Variants in CDH12 observed in about 807,000 individuals in gnomAD.
The protein encoded by CDH12 is cadherin-12.
In CDH12, 41 loss-of-function variants were observed where a neutral mutation model predicts 74.1. The observed-to-expected ratio is 0.55, with a 90% confidence interval of 0.43 to 0.72. The LOEUF is 0.72. Among genes scored for constraint, CDH12 ranks in the 30% least tolerant of loss-of-function variants. CDH12 has a pLI of 0.00. For synonymous variants in CDH12, 399 were observed against 355.0 expected, an observed-to-expected ratio of 1.12 and a Z score of -1.39; for missense variants, 945 against 977.2, an observed-to-expected ratio of 0.97 and a Z score of 0.44.
chr5:21,949,573 A>G (rs1230432112), intron 6 of CDH12, among the ~76,000 whole-genome samples: 3 of 152,242 alleles, frequency 2.0e-5, no homozygotes, highest in South Asian at 2.1e-4. Context: ...TTATTGGCCT[A>G]GAGGAGCTTC....
chr5:21,880,417 T>G (rs1375894268), intron 6 of CDH12, among the ~76,000 whole-genome samples: 1 of 152,122 alleles, frequency 6.6e-6, no homozygotes, highest in Non-Finnish European at 1.5e-5. Context: ...AGCACTGGGG[T>G]GCTCTATATA....
intron 4 of CDH12, among the ~76,000 whole-genome samples, chr5:22,204,934 C>T (rs1472989921): frequency 6.6e-6 from 1 of 152,166 alleles, no homozygotes; most frequent in Non-Finnish European, 1.5e-5. Flanking sequence ...ATTGTGACTA[C>T]TCGTTCTTTA....
At chr5:22,467,215 A>T (rs1443716155) in intron 2 of CDH12, among the ~76,000 whole-genome samples, 2 of 152,116 alleles carry the variant, frequency 1.3e-5, no homozygotes, top group Non-Finnish European at 2.9e-5. Flanking sequence ...GAACCTTGAC[A>T]GCCCGTGAGC....
intron 11 of CDH12, among the ~76,000 whole-genome samples, chr5:21,771,957 T>A (rs1745345422): frequency 6.6e-6 from 1 of 152,172 alleles, no homozygotes; most frequent in East Asian, 1.9e-4. Context: ...ATTCGTAAGA[T>A]CTTTGTTTCA....
At chr5:22,809,322 C>T (rs975913235) in intron 1 of CDH12, among the ~76,000 whole-genome samples, 1 of 151,742 alleles carries the variant, frequency 6.6e-6, no homozygotes, top group African/African-American at 2.4e-5. Flanking sequence ...TATATTTTTA[C>T]TTATGAATAT....
At chr5:22,023,363 A>T (rs891258088) in intron 5 of CDH12, among the ~76,000 whole-genome samples, 14 of 152,170 alleles carry the variant, frequency 9.2e-5, no homozygotes, top group Non-Finnish European at 1.9e-4. Flanking sequence ...TTGTCCAATG[A>T]TATGCACACA....
intron 1 of CDH12, among the ~76,000 whole-genome samples, chr5:22,549,137 GTT>G (rs1344546525): frequency 1.4e-5 from 2 of 142,278 alleles, no homozygotes; most frequent in African/African-American, 5.4e-5. Flanking sequence ...TTTTTTTTTT[GTT>G]TTTTTTGTTT....
intron 1 of CDH12, among the ~76,000 whole-genome samples, chr5:22,836,213 C>CTCTTTTTT (rs1402972549): frequency 2.6e-5 from 1 of 37,956 alleles, no homozygotes; most frequent in Admixed American, 3.4e-4. Context: ...TTCTTTTTTT[C>CTCTTTTTT]TTTCTTTCTC....
intron 5 of CDH12, among the ~76,000 whole-genome samples, chr5:21,983,686 T>C (rs1428654953): frequency 6.6e-6 from 1 of 152,144 alleles, no homozygotes; most frequent in Non-Finnish European, 1.5e-5. Context: ...AACCTAGAAT[T>C]CAATTGTTTA....
At chr5:22,436,296 GGGGGGAGGGGGGA>G (rs1744389345) in intron 2 of CDH12, among the ~76,000 whole-genome samples, 1 of 35,082 alleles carries the variant, frequency 2.9e-5, no homozygotes. Flanking sequence ...GGAGGGGGGA[GGGGGGAGGGGGGA>G]GGGATAGCAT....
intron 3 of CDH12, among the ~76,000 whole-genome samples, chr5:22,356,795 T>C (rs1740580200): frequency 6.6e-6 from 1 of 152,124 alleles, no homozygotes; most frequent in South Asian, 2.1e-4. Context: ...CAAATGATTC[T>C]CTTGGTAAGA....
intron 3 of CDH12, among the ~76,000 whole-genome samples, chr5:22,360,787 A>G (rs1434609243): frequency 1.3e-5 from 2 of 152,222 alleles, no homozygotes. Flanking sequence ...TATGCAAATC[A>G]ATAAACGTAA....
At chr5:22,328,985 A>T (rs953300529) in intron 3 of CDH12, among the ~76,000 whole-genome samples, 4 of 152,206 alleles carry the variant, frequency 2.6e-5, no homozygotes, top group African/African-American at 9.6e-5. Flanking sequence ...AACAGAACAA[A>T]CTTAGAATAA....
chr5:21,751,988 C>A lies in CDH12; in HGVS notation c.2134G>T (p.Asp712Tyr). 1 of 1,614,092 alleles carries A rather than the reference C, an allele frequency of 6.2e-7. No homozygotes were observed. The highest frequency in any genetic ancestry group is 8.5e-7 in the Non-Finnish European group (1 of 1,180,016). Residue 712 changes from aspartate to tyrosine, a missense_variant, in exon 15 of 15, where the codon GAC (aspartate) becomes TAC (tyrosine). Asp to Tyr is a radical substitution (Grantham distance 160). Coordinates refer to ENST00000382254, the MANE Select transcript of CDH12 (RefSeq NM_004061.5). The part of the protein sequence containing the change: ...RQRPPMEDNT[D>Y]IRDFIHQRLQ... ...CTTTGATGAATGAAATCCCTTATGTCTGTGTTATCTTCCATGGGTGGTCTC... is the reference window on the plus strand; with the variant it reads ...CTTTGATGAATGAAATCCCTTATGTATGTGTTATCTTCCATGGGTGGTCTC...
intron 1 of CDH12, among the ~76,000 whole-genome samples, chr5:22,561,519 C>T (rs1739043977): frequency 6.6e-6 from 1 of 151,408 alleles, no homozygotes; most frequent in Non-Finnish European, 1.5e-5. Flanking sequence ...TTTTTTTCCA[C>T]CTAAGGGAGC....
intron 1 of CDH12, among the ~76,000 whole-genome samples, chr5:22,732,655 C>CA (rs540731058): frequency 5.9e-5 from 9 of 151,748 alleles, no homozygotes; most frequent in Admixed American, 4.6e-4. Flanking sequence ...CAGATACACA[C>CA]AAGGAGAATG....
At chr5:22,635,111 G>A (rs1738772820) in intron 1 of CDH12, among the ~76,000 whole-genome samples, 1 of 152,054 alleles carries the variant, frequency 6.6e-6, no homozygotes, top group African/African-American at 2.4e-5. Flanking sequence ...TCTTAGTGCA[G>A]TAATCAAGAC....
chr5:22,201,885 A>G (rs1396218541), intron 4 of CDH12, among the ~76,000 whole-genome samples: 1 of 152,172 alleles, frequency 6.6e-6, no homozygotes, highest in East Asian at 1.9e-4. Context: ...TGGGGAAACA[A>G]TGATGGAAAG....
intron 1 of CDH12, among the ~76,000 whole-genome samples, chr5:22,829,630 G>A (rs551686132): frequency 6.6e-6 from 1 of 152,314 alleles, no homozygotes; most frequent in East Asian, 1.9e-4. Context: ...GAACAGACAT[G>A]TGAAATGCTC....
Sources: allele counts gnomAD v4.1 joint callset (sites outside exome capture counted in the v4.1 genomes callset), GRCh38; gene constraint gnomAD v4.1.1; transcripts MANE v1.5; gene names NCBI Gene and HGNC (gene_info 2026-07-23, HGNC 2026-07-21).